The following CLIP1 variants were observed in gnomAD, a reference collection of about 807,000 sequenced individuals.
CLIP1 encodes CAP-Gly domain containing linker protein 1, also known as CAP-Gly domain-containing linker protein 1.
In CLIP1, 66 loss-of-function variants were observed where a neutral mutation model predicts 161.6. The ratio of observed to expected loss-of-function variants is 0.41; its 90% CI spans 0.33 to 0.50. CLIP1 has a LOEUF of 0.50. Ranked by LOEUF, CLIP1 falls within the 20% of genes least tolerant of loss-of-function variation. The pLI is 0.27. For missense variants in CLIP1, 1,376 were observed against 1,702.0 expected (o/e 0.81, Z 3.37); for synonymous variants, 598 against 626.2 (o/e 0.96, Z 0.67).
chr12:122,325,169 T>C (rs927592652), intron 17 of CLIP1, among the ~76,000 whole-genome samples: 7 of 151,782 alleles, frequency 4.6e-5, no homozygotes, highest in African/African-American at 7.3e-5. Flanking sequence ...GCTATTCTCA[T>C]GCCTCAGCCT....
intron 1 of CLIP1, among the ~76,000 whole-genome samples, chr12:122,389,631 T>C (rs1955495918): frequency 1.3e-5 from 2 of 151,958 alleles, no homozygotes; most frequent in East Asian, 1.9e-4. Context: ...TGGTGGTGCA[T>C]GCCTGTAGGC....
chr12:122,412,068 T>C lies in CLIP1; in HGVS notation c.-107+10453A>G, dbSNP rs563921575. 1.4e-4 allele frequency among the ~76,000 whole-genome samples: 20 copies of C among 145,112 alleles called. 1 individual carries two copies. Among genetic ancestry groups the C allele is most frequent in the Admixed American group, 5.5e-4 (8 of 14,666 alleles). ...CTACAACCAGTTATTTTCTTTTTTT[T>C]TTTTTTTTTTTTTTTTAAGAGACAG... On this transcript the variant is annotated intron_variant, in intron 1 of 25. Coordinates refer to ENST00000620786, the MANE Select transcript of CLIP1 (RefSeq NM_001247997.2).
At chr12:122,370,503 A>C (rs1954393226) in intron 3 of CLIP1, among the ~76,000 whole-genome samples, 1 of 152,216 alleles carries the variant, frequency 6.6e-6, no homozygotes, top group South Asian at 2.1e-4. Flanking sequence ...TAGGCTAAAT[A>C]AACAGTCCCA....
chr12:122,275,625 T>TAC (rs10594709), intron 24 of CLIP1: 88 of 114,996 alleles, frequency 7.7e-4, no homozygotes, highest in African/African-American at 1.4e-3. Flanking sequence ...AAGAAAAAAA[T>TAC]ACACACACAC....
chr12:122,385,062 A>G (rs1448828198), intron 1 of CLIP1, among the ~76,000 whole-genome samples: 7 of 151,158 alleles, frequency 4.6e-5, no homozygotes, highest in Admixed American at 1.3e-4. Context: ...ACTCATGAGT[A>G]GCTGGGACTA....
At chr12:122,405,193 CCT>C (rs1292863662) in intron 1 of CLIP1, among the ~76,000 whole-genome samples, 1 of 152,274 alleles carries the variant, frequency 6.6e-6, no homozygotes, top group East Asian at 1.9e-4. Flanking sequence ...ATCTGCATCC[CCT>C]GTGTAATCCC....
At chr12:122,325,457 A>C (rs1387962331) in intron 17 of CLIP1, among the ~76,000 whole-genome samples, 1 of 152,036 alleles carries the variant, frequency 6.6e-6, no homozygotes, top group Non-Finnish European at 1.5e-5. Flanking sequence ...TTTTTAATTA[A>C]AATGTAACAA....
chr12:122,348,909 G>A (rs868410327), intron 9 of CLIP1, among the ~76,000 whole-genome samples: 1 of 152,138 alleles, frequency 6.6e-6, no homozygotes, highest in African/African-American at 2.4e-5. Context: ...AGTGGGACTC[G>A]GGGACCTCAA....
chr12:122,388,685 C>T (rs900116570), intron 1 of CLIP1, among the ~76,000 whole-genome samples: 8 of 152,068 alleles, frequency 5.3e-5, no homozygotes, highest in African/African-American at 1.7e-4. Flanking sequence ...TCACGAACCC[C>T]AACCTCCTGA....
At chr12:122,283,198 C>A (rs1441012795) in intron 21 of CLIP1, among the ~76,000 whole-genome samples, 1 of 152,118 alleles carries the variant, frequency 6.6e-6, no homozygotes, top group Admixed American at 6.6e-5. Context: ...GAACAAACTC[C>A]CCCAGTTCTG....
intron 1 of CLIP1, among the ~76,000 whole-genome samples, chr12:122,386,954 G>A (rs1179033379): frequency 1.3e-5 from 2 of 152,050 alleles, no homozygotes; most frequent in Non-Finnish European, 2.9e-5. Context: ...GCAGTAGCAC[G>A]ATCACAGTTC....
chr12:122,420,494 A>ATACC (rs1956903892), intron 1 of CLIP1, among the ~76,000 whole-genome samples: 2 of 152,162 alleles, frequency 1.3e-5, no homozygotes, highest in African/African-American at 2.4e-5. Flanking sequence ...TTCAGGCAAA[A>ATACC]TACCTACCCA....
chr12:122,317,206 G>A (rs527855044), intron 18 of CLIP1, among the ~76,000 whole-genome samples: 2 of 152,336 alleles, frequency 1.3e-5, no homozygotes, highest in East Asian at 3.9e-4. Flanking sequence ...GCAAAGCAAT[G>A]ACATCAGCAA....
At chr12:122,295,850 G>A (rs911390889) in intron 20 of CLIP1, among the ~76,000 whole-genome samples, 15 of 151,916 alleles carry the variant, frequency 9.9e-5, no homozygotes, top group Non-Finnish European at 1.5e-4. Context: ...ACATTTTTTC[G>A]TTGTTCTCTG....
At chr12:122,336,481 G>A in intron 12 of CLIP1, 151 bp downstream of exon 12, 1 of 561,046 alleles carries the variant, frequency 1.8e-6, no homozygotes, top group Non-Finnish European at 3.2e-6. Flanking sequence ...CCCCTCAAAG[G>A]ACAATATTTA....
At chr12:122,383,967 C>T (rs1955125783) in intron 1 of CLIP1, among the ~76,000 whole-genome samples, 1 of 152,152 alleles carries the variant, frequency 6.6e-6, no homozygotes, top group African/African-American at 2.4e-5. Context: ...CCCCCACCCT[C>T]CCAACATGTA....
At chr12:122,353,009 A>C (rs1953123364) in intron 7 of CLIP1, among the ~76,000 whole-genome samples, 1 of 151,726 alleles carries the variant, frequency 6.6e-6, no homozygotes, top group African/African-American at 2.4e-5. Flanking sequence ...AAAAAAAAAA[A>C]AATCTATCAT....
At chr12:122,324,356 G>A (rs1951630122) in intron 17 of CLIP1, 1 of 152,394 alleles carries the variant, frequency 6.6e-6, no homozygotes, top group Admixed American at 6.6e-5. Flanking sequence ...TTCTTTTTTG[G>A]CTGATGTTAA....
chr12:122,386,823 C>CAAAAAAA (rs10538864), intron 1 of CLIP1, among the ~76,000 whole-genome samples: 1 of 124,130 alleles, frequency 8.1e-6, no homozygotes, highest in African/African-American at 3.2e-5. Flanking sequence ...CAATATGTCT[C>CAAAAAAA]AAAAAAAAAA....
Sources: allele counts gnomAD v4.1 joint callset (sites outside exome capture counted in the v4.1 genomes callset), GRCh38; gene constraint gnomAD v4.1.1; transcripts MANE v1.5; gene names NCBI Gene and HGNC (gene_info 2026-07-23, HGNC 2026-07-21).